MAST4: variants seen among roughly 807,000 people sequenced by gnomAD.
MAST4 encodes microtubule associated serine/threonine kinase family member 4, also known as microtubule-associated serine/threonine-protein kinase 4.
A neutral mutation model predicts 162.7 loss-of-function variants in MAST4; 89 were observed. The ratio of observed to expected loss-of-function variants is 0.55; its 90% confidence interval spans 0.46 to 0.65. MAST4 has a LOEUF of 0.65. MAST4 is among the 30% of genes least tolerant of loss of function. The probability of loss-of-function intolerance (pLI) is 0.00; values close to 1 mark genes in which losing one functional copy is unlikely to be tolerated. For synonymous variants in MAST4, 1,479 were observed against 1,361.1 expected (o/e 1.09, Z -1.91); for missense variants, 3,153 against 3,374.0 (o/e 0.93, Z 1.62).
At chr5:66,736,636 A>G (rs1001590028) in intron 1 of MAST4, among the ~76,000 whole-genome samples, 5 of 152,180 alleles carry the variant, frequency 3.3e-5, no homozygotes, top group African/African-American at 1.2e-4. Flanking sequence ...GGACATAAGG[A>G]TTAACGTAGT....
chr5:67,078,849 T>A (rs552943069), intron 5 of MAST4, among the ~76,000 whole-genome samples: 1 of 111,774 alleles, frequency 8.9e-6, no homozygotes, highest in Non-Finnish European at 1.6e-5. Context: ...TAAATATATT[T>A]ATATATTTAT....
chr5:67,104,569 A>G lies in MAST4; in HGVS notation c.1350A>G (p.Leu450=), dbSNP rs1171858829. 1.9e-6 allele frequency: 3 copies of G among 1,612,482 alleles called. No individual in the cohort carries two copies. Among genetic ancestry groups the G allele is most frequent in the Admixed American group, 1.7e-5 (1 of 59,858 alleles). Residue 450 remains leucine (L), a synonymous_variant, in exon 10 of 29, where the codon CTA becomes CTG. Coordinates refer to ENST00000403625, the MANE Select transcript of MAST4 (RefSeq NM_001164664.2). The part of the protein sequence containing the change: ...LELQHKLDKL[L]QEAHDRSESG... Reference sequence around the variant, plus strand: ...TACAGCACAAATTAGATAAGTTGCTACAGGAGGTAAGAACCATGTACCATA... The same window carrying G: ...TACAGCACAAATTAGATAAGTTGCTGCAGGAGGTAAGAACCATGTACCATA...
Position 66,731,473 on chromosome 5 carries a change from T to A in MAST4, c.364-28236T>A, listed in dbSNP as rs576409510. Among the ~76,000 whole-genome samples, 163 of 152,360 alleles carry A rather than the reference T, an allele frequency of 1.1e-3. 1 individual carries two copies. The highest frequency in any genetic ancestry group is 0.01 in the Middle Eastern group (3 of 294). On this transcript the variant is annotated intron_variant, in intron 1 of 28. Transcript: ENST00000403625. ...CTTATGCTATTGCTTAGTTAGGTTA[T>A]ATCTGCTTATTTCTAAAACATACAT...
chr5:67,047,317 A>G (rs999916777), intron 4 of MAST4, among the ~76,000 whole-genome samples: 9 of 152,166 alleles, frequency 5.9e-5, no homozygotes, highest in Non-Finnish European at 1.0e-4. Flanking sequence ...GCCTCCTGCC[A>G]TGGCTCTACC....
chr5:67,062,665 G>A (rs1759769452), intron 5 of MAST4, among the ~76,000 whole-genome samples: 1 of 152,160 alleles, frequency 6.6e-6, no homozygotes, highest in Admixed American at 6.5e-5. Flanking sequence ...GGAAAATTAG[G>A]TGCTCATGGA....
At chr5:66,967,974 C>T (rs1746956856) in intron 4 of MAST4, among the ~76,000 whole-genome samples, 1 of 152,088 alleles carries the variant, frequency 6.6e-6, no homozygotes, top group Admixed American at 6.5e-5. Flanking sequence ...ATCAGTGCCT[C>T]CTGAGTAATA....
intron 2 of MAST4, among the ~76,000 whole-genome samples, chr5:66,767,901 G>A (rs1251845632): frequency 6.6e-6 from 1 of 152,040 alleles, no homozygotes; most frequent in African/African-American, 2.4e-5. Context: ...ATTAAGGGTG[G>A]GTCTGCCTTT....
At chr5:66,606,370 T>C (rs1470427132) in intron 1 of MAST4, among the ~76,000 whole-genome samples, 3 of 152,224 alleles carry the variant, frequency 2.0e-5, no homozygotes, top group Non-Finnish European at 2.9e-5. Flanking sequence ...AGCTATTTTT[T>C]TTTAAATAAT....
chr5:66,988,870 G>T (rs564845064), intron 4 of MAST4, among the ~76,000 whole-genome samples: 2 of 152,280 alleles, frequency 1.3e-5, no homozygotes, highest in East Asian at 3.9e-4. Flanking sequence ...CACATACATG[G>T]TTCACATTTT....
At chr5:66,617,076 G>T (rs957486559) in intron 1 of MAST4, among the ~76,000 whole-genome samples, 2 of 152,152 alleles carry the variant, frequency 1.3e-5, no homozygotes, top group Non-Finnish European at 2.9e-5. Context: ...TAATTGACTG[G>T]ATTTTTTTCT....
chr5:67,109,696 T>C (rs1395768693), intron 10 of MAST4, among the ~76,000 whole-genome samples: 1 of 152,206 alleles, frequency 6.6e-6, no homozygotes, highest in African/African-American at 2.4e-5. Context: ...AAGCAGCCCT[T>C]CACTTTCTTA....
chr5:66,753,084 A>G (rs1172720830), intron 1 of MAST4, among the ~76,000 whole-genome samples: 1 of 151,488 alleles, frequency 6.6e-6, no homozygotes, highest in Non-Finnish European at 1.5e-5. Context: ...GCAGAAATAA[A>G]GATGTTCTTT....
chr5:66,795,273 A>G (rs757104676), intron 3 of MAST4, among the ~76,000 whole-genome samples: 2 of 152,212 alleles, frequency 1.3e-5, no homozygotes, highest in Non-Finnish European at 2.9e-5. Flanking sequence ...ATAATATTCC[A>G]GTATGTGGAT....
At chr5:66,816,370 C>T (rs927971330) in intron 3 of MAST4, among the ~76,000 whole-genome samples, 1 of 152,136 alleles carries the variant, frequency 6.6e-6, no homozygotes, top group Admixed American at 6.5e-5. Context: ...TGCTTCCTTT[C>T]CCTCTGTTTC....
intron 16 of MAST4, among the ~76,000 whole-genome samples, chr5:67,133,166 A>G (rs1769204138): frequency 6.6e-6 from 1 of 151,756 alleles, no homozygotes; most frequent in South Asian, 2.1e-4. Context: ...TTCCTGGTGT[A>G]TGCCCTTTTT....
intron 5 of MAST4, 134 bp downstream of exon 5, chr5:67,054,626 T>G: frequency 2.6e-6 from 2 of 763,036 alleles, no homozygotes; most frequent in Non-Finnish European, 4.1e-6. Context: ...CCCTAAGTTG[T>G]TCTTTGCGAT....
chr5:66,688,117 C>A (rs1748808567), intron 1 of MAST4, among the ~76,000 whole-genome samples: 1 of 152,168 alleles, frequency 6.6e-6, no homozygotes, highest in Non-Finnish European at 1.5e-5. Flanking sequence ...CATCTCTGGT[C>A]ATGATAGCTT....
intron 6 of MAST4, among the ~76,000 whole-genome samples, chr5:67,090,692 C>G: frequency 6.6e-6 from 1 of 150,990 alleles, no homozygotes. Context: ...AATTGGGCAC[C>G]AGCCGTCAAA....
chr5:66,721,272 C>G lies in MAST4; in HGVS notation c.364-38437C>G. ...GTTATACTTGTCTCAAATTCACCTC[C>G]CCCTGCTCTCTCTTGAACCCAGACT... On this transcript the variant is annotated intron_variant, in intron 1 of 28. Coordinates refer to ENST00000403625, the MANE Select transcript of MAST4 (RefSeq NM_001164664.2). Among the ~76,000 whole-genome samples the G allele has an allele frequency of 1.3e-5, 2 of 152,108 alleles. 1 individual carries two copies. Among genetic ancestry groups the G allele is most frequent in the Non-Finnish European group, 2.9e-5 (2 of 68,020 alleles).
Sources: gnomAD v4.1 joint callset for allele counts (sites outside exome capture counted in the v4.1 genomes callset) on GRCh38, gnomAD v4.1.1 for gene constraint, MANE v1.5 for transcripts, NCBI Gene and HGNC (gene_info 2026-07-23, HGNC 2026-07-21) for gene names.